Variants in AP5M1 observed in about 807,000 individuals in gnomAD.
AP5M1 encodes the protein adaptor related protein complex 5 subunit mu 1.
A neutral mutation model predicts 52.3 loss-of-function variants in AP5M1; 44 were observed. The observed-to-expected ratio is 0.84, with a 90% CI of 0.66 to 1.08. The LOEUF (loss-of-function observed/expected upper bound fraction) is 1.08, where lower values mean the gene tolerates loss of function less well. AP5M1 is among the 50% of genes least tolerant of loss of function. The pLI, the probability that AP5M1 is intolerant of heterozygous loss-of-function variation, is 0.00. For missense variants in AP5M1, 526 were observed against 568.4 expected, an observed-to-expected ratio of 0.93 and a Z score of 0.76; for synonymous variants, 213 against 199.0, an observed-to-expected ratio of 1.07 and a Z score of -0.59.
At chr14:57,271,499 A>C (rs1340689656) in intron 1 of AP5M1, 1 of 152,124 alleles carries the variant, frequency 6.6e-6, no homozygotes, top group Non-Finnish European at 1.5e-5. Flanking sequence ...TTGCCTGTAC[A>C]TGTCTTGTCC....
At chr14:57,283,266 C>T in intron 6 of AP5M1, 36 bp downstream of exon 6, 3 of 1,194,774 alleles carry the variant, frequency 2.5e-6, no homozygotes, top group African/African-American at 1.5e-5. Flanking sequence ...CAGTAGCACC[C>T]TTCCTTTGTT....
intron 1 of AP5M1, among the ~76,000 whole-genome samples, chr14:57,272,981 C>T (rs1884929922): frequency 6.6e-6 from 1 of 152,002 alleles, no homozygotes; most frequent in South Asian, 2.1e-4. Context: ...GGGTGGAGTG[C>T]AGTGTCACAA....
Position 57,269,374 on chromosome 14 carries a change from C to T in AP5M1, c.60C>T (p.Thr20=), listed in dbSNP as rs766834609. 7 of 1,614,062 alleles carry T rather than the reference C, an allele frequency of 4.3e-6. No individual in the cohort carries two copies. The South Asian group carries it at 7.7e-5, about 18-fold the overall frequency. ...AACCGGGAACTCCACTTTGTGGCAC[C>T]GTGAGATTCTCCAGGTAAATGCAAA... ...SHEPGTPLCG[T]VRFSRRYPTV... The change falls in exon 1 of 8, where the codon ACC becomes ACT. Residue 20 remains threonine, a synonymous_variant. Transcript: ENST00000261558.
At position 57,296,487 on chromosome 14, in the gene AP5M1, A is replaced by G. The variant is rs1885555078; in HGVS notation, c.*7603A>G. The G allele has an allele frequency of 6.6e-6, 1 of 152,080 alleles. No homozygotes were observed. Among genetic ancestry groups the G allele is most frequent in the African/African-American group, 2.4e-5 (1 of 41,426 alleles). The allele number at this position is 152,080 out of a possible 1,614,324, so 9.4% of individuals were successfully genotyped here. A position where few individuals can be genotyped will look rare whatever the true frequency, so the allele number is the denominator to read the frequency against. On this transcript the variant is annotated 3_prime_UTR_variant, in exon 8 of 8. Transcript: ENST00000261558. ...TCAGTAAAAAGTTATGTGTTTGTCA[A>G]TAATCAAAAAATGTTTAATCTAAAA...
Position 57,283,200 on chromosome 14 carries a change from A to C in AP5M1, c.1263A>C (p.Pro421=). The C allele has an allele frequency of 6.2e-7, 1 of 1,612,960 alleles. No individual in the cohort carries two copies. The highest frequency in any genetic ancestry group is 8.5e-7 in the Non-Finnish European group (1 of 1,179,140). ...AKSHEKQPFD[P]ICTGETAYLK... ...GCCATGAGAAGCAGCCATTTGACCC[A>C]ATTTGTACTGGAGAAACAGCATATT... The change falls in exon 6 of 8, where the codon CCA becomes CCC. Residue 421 remains proline (P), a synonymous_variant. Coordinates refer to ENST00000261558, the MANE Select transcript of AP5M1 (RefSeq NM_018229.4).
chr14:57,277,583 T>C (rs560939596), intron 2 of AP5M1, among the ~76,000 whole-genome samples: 1 of 152,182 alleles, frequency 6.6e-6, no homozygotes, highest in Admixed American at 6.5e-5. Flanking sequence ...ATTGTAATTG[T>C]CACTGACAGA....
At chr14:57,280,850 CAA>C (rs201466728) in intron 3 of AP5M1, among the ~76,000 whole-genome samples, 8 of 119,496 alleles carry the variant, frequency 6.7e-5, no homozygotes, top group Admixed American at 1.7e-4. Context: ...GACTCCATCT[CAA>C]AAAAAAAAAA....
chr14:57,274,293 T>A lies in AP5M1; in HGVS notation c.124T>A (p.Tyr42Asn). Residue 42 changes from tyrosine (Y) to asparagine (N), a missense_variant, in exon 2 of 8, where the codon TAT becomes AAT. Physicochemically the swap from Tyr to Asn is moderately radical, Grantham distance 143. This residue lies in a region of AP5M1 where 425 missense variants were observed against 430.6 expected (regional missense o/e 0.99). Transcript: ENST00000261558. Reference sequence around the variant, plus strand: ...AGCCAGAGTCTTCAATGGAGCAAGTTATGTGCCTGTTCCTGAAGATGGTCC... The same window carrying A: ...AGCCAGAGTCTTCAATGGAGCAAGTAATGTGCCTGTTCCTGAAGATGGTCC... ...KRARVFNGAS[Y>N]VPVPEDGPFL... The A allele has an allele frequency of 6.2e-7, 1 of 1,614,174 alleles. No individual in the cohort carries two copies. The highest frequency in any genetic ancestry group is 8.5e-7 in the Non-Finnish European group (1 of 1,180,022).
intron 7 of AP5M1, among the ~76,000 whole-genome samples, chr14:57,288,147 A>C (rs754984118): frequency 1.3e-4 from 20 of 151,940 alleles, no homozygotes; most frequent in Admixed American, 3.3e-4. Flanking sequence ...GAAAGGTAGA[A>C]CAGGCTGAAT....
At chr14:57,272,697 A>C (rs1032513226) in intron 1 of AP5M1, among the ~76,000 whole-genome samples, 5 of 152,176 alleles carry the variant, frequency 3.3e-5, no homozygotes, top group African/African-American at 1.2e-4. Flanking sequence ...ATAATAAGAG[A>C]TTGGACTAGA....
Position 57,282,993 on chromosome 14 carries a change from A to G in AP5M1, c.1148A>G (p.Glu383Gly), listed in dbSNP as rs1410383181. ...TSFGQLEVFR[E>G]KSLLIWIIGQ... Reference sequence around the variant, plus strand: ...TTTGGCCAGCTTGAAGTATTTCGAGAGAAAAGCTTATTGATCTGGATTATT... The same window carrying G: ...TTTGGCCAGCTTGAAGTATTTCGAGGGAAAAGCTTATTGATCTGGATTATT... Residue 383 changes from glutamate to glycine, a missense_variant, in exon 5 of 8, where the codon GAG (glutamate) becomes GGG (glycine). By Grantham distance (98) the Glu-to-Gly change is moderately conservative. Coordinates refer to ENST00000261558, the MANE Select transcript of AP5M1 (RefSeq NM_018229.4). 6.2e-7 allele frequency: 1 copy of G among 1,600,402 alleles called. No homozygotes were observed. The highest frequency in any genetic ancestry group is 8.5e-7 in the Non-Finnish European group (1 of 1,171,756).
In AP5M1 at chr14:57,274,522, C is replaced by T; in HGVS notation, c.353C>T (p.Pro118Leu). The T allele has an allele frequency of 2.5e-6, 4 of 1,614,138 alleles. No individual in the cohort carries two copies. Among genetic ancestry groups the T allele is most frequent in the Non-Finnish European group, 2.5e-6 (3 of 1,180,030 alleles). The change falls in exon 2 of 8, where the codon CCT (proline) becomes CTT (leucine). Residue 118 changes from proline (P) to leucine (L), a missense_variant. This residue lies in a region of AP5M1 where 425 missense variants were observed against 430.6 expected (regional missense o/e 0.99). Coordinates refer to ENST00000261558, the MANE Select transcript of AP5M1 (RefSeq NM_018229.4). ...CCACTAGTTGAACAAACTCTGTCCC[C>T]TCGTCCGCCACTAATTAGTGTCAGT... The part of the protein sequence containing the change: ...CVPLVEQTLS[P>L]RPPLISVSGV...
intron 1 of AP5M1, among the ~76,000 whole-genome samples, chr14:57,272,379 AG>A (rs1440040106): frequency 2.6e-5 from 4 of 152,194 alleles, no homozygotes; most frequent in African/African-American, 9.6e-5. Context: ...TCTCTATCTA[AG>A]TACTTATTTC....
intron 3 of AP5M1, among the ~76,000 whole-genome samples, chr14:57,281,612 T>C (rs1461796414): frequency 6.6e-6 from 1 of 152,234 alleles, no homozygotes; most frequent in African/African-American, 2.4e-5. Context: ...GTATAAGTAG[T>C]CTTTCTGTGT....
Position 57,283,185 on chromosome 14 carries a change from G to A in AP5M1, c.1248G>A (p.Lys416=). 1 of 1,613,820 alleles carries A rather than the reference G, an allele frequency of 6.2e-7. No homozygotes were observed. Among genetic ancestry groups the A allele is most frequent in the Non-Finnish European group, 8.5e-7 (1 of 1,179,898 alleles). ...CTTTTGGAGCCAAGAGCCATGAGAA[G>A]CAGCCATTTGACCCAATTTGTACTG... ...TVTFGAKSHE[K]QPFDPICTGE... Residue 416 remains lysine, a synonymous_variant, in exon 6 of 8, where the codon AAG becomes AAA. Transcript: ENST00000261558.
chr14:57,282,802 A>G (rs755326926), intron 4 of AP5M1, 132 bp from the exon 5 acceptor site: 3 of 534,626 alleles, frequency 5.6e-6, no homozygotes, highest in African/African-American at 1.9e-5. Context: ...TATTTGTTCT[A>G]TTCTGCAAAC....
At chr14:57,280,857 A>T (rs1407688667) in intron 3 of AP5M1, among the ~76,000 whole-genome samples, 4 of 152,106 alleles carry the variant, frequency 2.6e-5, no homozygotes, top group Admixed American at 2.6e-4. Flanking sequence ...TCTCAAAAAA[A>T]AAAAAAAGAT....
Position 57,283,095 on chromosome 14 carries a change from G to T in AP5M1, c.1175-17G>T, listed in dbSNP as rs761332373. On this transcript the variant is annotated splice_polypyrimidine_tract_variant and intron_variant, in intron 5 of 7. Coordinates refer to ENST00000261558, the MANE Select transcript of AP5M1 (RefSeq NM_018229.4). The stretch of plus-strand genomic sequence containing the variant: ...CTACTTAATTTAGAATTGTTTATTG[G>T]TATATTTGTGTTTTAGGCCAGAAGT... The T allele has an allele frequency of 6.3e-7, 1 of 1,592,838 alleles. No individual in the cohort carries two copies. Among genetic ancestry groups the T allele is most frequent in the Non-Finnish European group, 8.6e-7 (1 of 1,165,522 alleles).
At chr14:57,278,400 C>T (rs950685744) in intron 2 of AP5M1, 4 of 152,262 alleles carry the variant, frequency 2.6e-5, no homozygotes, top group South Asian at 2.1e-4. Flanking sequence ...AGGAAAGGTC[C>T]GCAGAAGTGC....
Sources: allele counts gnomAD v4.1 joint callset (sites outside exome capture counted in the v4.1 genomes callset), GRCh38; gene constraint gnomAD v4.1.1; regional missense constraint gnomAD v4.1.1; transcripts MANE v1.5; gene names NCBI Gene and HGNC (gene_info 2026-07-23, HGNC 2026-07-21).